The following HDAC4 variants were observed in gnomAD, a reference collection of about 807,000 sequenced individuals.
The protein encoded by HDAC4 is histone deacetylase A.
HDAC4 carries 16 observed loss-of-function variants against 135.1 expected under a neutral mutation model. That is an observed-to-expected ratio of 0.12 (90% CI 0.08 to 0.18). HDAC4 has a LOEUF of 0.18. Among genes scored for constraint, HDAC4 ranks in the 10% least tolerant of loss-of-function variants. The pLI, the probability that HDAC4 is intolerant of heterozygous loss-of-function variation, is 1.00. For missense variants in HDAC4, 1,143 were observed against 1,511.8 expected, an observed-to-expected ratio of 0.76 and a Z score of 4.05; for synonymous variants, 685 against 653.4, an observed-to-expected ratio of 1.05 and a Z score of -0.74.
chr2:239,279,931 G>A (rs776992319), intron 2 of HDAC4, among the ~76,000 whole-genome samples: 7 of 152,088 alleles, frequency 4.6e-5, no homozygotes, highest in Non-Finnish European at 1.5e-5. Context: ...TTCCCTCCCC[G>A]AATTCTAGGA....
chr2:239,384,325 A>G (rs1695633524), intron 1 of HDAC4, among the ~76,000 whole-genome samples: 1 of 152,134 alleles, frequency 6.6e-6, no homozygotes, highest in Non-Finnish European at 1.5e-5. Context: ...ATGAAAAAGA[A>G]AACTGAGGCT....
chr2:239,202,742 C>T (rs1364652046), intron 3 of HDAC4, among the ~76,000 whole-genome samples: 1 of 151,966 alleles, frequency 6.6e-6, no homozygotes, highest in Non-Finnish European at 1.5e-5. Flanking sequence ...TACCCCCTGA[C>T]CTCATGAGCT....
chr2:239,305,093 C>T (rs930773964), intron 2 of HDAC4, among the ~76,000 whole-genome samples: 1 of 152,196 alleles, frequency 6.6e-6, no homozygotes, highest in African/African-American at 2.4e-5. Context: ...CAGAGGTGCC[C>T]ACTGCCACAT....
At chr2:239,354,510 T>C (rs929831801) in intron 1 of HDAC4, among the ~76,000 whole-genome samples, 1 of 151,708 alleles carries the variant, frequency 6.6e-6, no homozygotes, top group East Asian at 1.9e-4. Context: ...TCTGTGTTCA[T>C]CTTTCTTTAA....
At chr2:239,392,082 G>A (rs779729403) in intron 1 of HDAC4, among the ~76,000 whole-genome samples, 7 of 152,158 alleles carry the variant, frequency 4.6e-5, no homozygotes, top group African/African-American at 9.7e-5. Context: ...CATCCTGCCC[G>A]GGCCACCATG....
chr2:239,276,422 G>A (rs1002905438), intron 2 of HDAC4, among the ~76,000 whole-genome samples: 4 of 152,204 alleles, frequency 2.6e-5, no homozygotes, highest in Admixed American at 2.0e-4. Flanking sequence ...ACAGGCACCC[G>A]GGTTCTGCAT....
At chr2:239,202,689 CA>C (rs1345090736) in intron 3 of HDAC4, among the ~76,000 whole-genome samples, 3 of 152,156 alleles carry the variant, frequency 2.0e-5, no homozygotes, top group Admixed American at 2.0e-4. Context: ...CATGGAGAAT[CA>C]CCGTCCAGGA....
chr2:239,332,217 G>C (rs943086655), intron 2 of HDAC4, among the ~76,000 whole-genome samples: 2 of 152,088 alleles, frequency 1.3e-5, no homozygotes, highest in African/African-American at 4.8e-5. Context: ...AAATAGTAAA[G>C]ATAACAGGAG....
At chr2:239,069,796 G>A (rs1400463342) in intron 22 of HDAC4, among the ~76,000 whole-genome samples, 1 of 151,578 alleles carries the variant, frequency 6.6e-6, no homozygotes, top group East Asian at 1.9e-4. Flanking sequence ...CTTGGTGAGA[G>A]GGAGTCACGG....
rs542752933 is a variant in HDAC4, at chr2:239,126,405, C to T, written c.1533+51G>A. Reference sequence around the variant, plus strand: ...AGTGCTGAAGCCTGAGGCTGAAGCGCACAGCACACAGCCGCCCTGGGGCCT... The same window carrying T: ...AGTGCTGAAGCCTGAGGCTGAAGCGTACAGCACACAGCCGCCCTGGGGCCT... On this transcript the variant is annotated intron_variant, in intron 12 of 26. Coordinates refer to ENST00000543185, the MANE Select transcript of HDAC4 (RefSeq NM_001378414.1). 5 of 1,611,628 alleles carry T rather than the reference C, an allele frequency of 3.1e-6. No homozygotes were observed. The Admixed American group carries it at 6.7e-5, about 21-fold the overall frequency.
At chr2:239,108,577 TAGA>T (rs1575056871) in intron 14 of HDAC4, among the ~76,000 whole-genome samples, 1 of 152,114 alleles carries the variant, frequency 6.6e-6, no homozygotes, top group African/African-American at 2.4e-5. Context: ...TGCTGACTTC[TAGA>T]AGGAGGCGAC....
chr2:239,387,932 C>A (rs978830810), intron 1 of HDAC4, among the ~76,000 whole-genome samples: 1 of 152,184 alleles, frequency 6.6e-6, no homozygotes, highest in East Asian at 1.9e-4. Flanking sequence ...TCCACACCCC[C>A]ACCCCACCGC....
Position 239,349,685 on chromosome 2 carries a change from C to T in HDAC4, c.22+2993G>A, listed in dbSNP as rs1372494006. Among the ~76,000 whole-genome samples the T allele has an allele frequency of 1.3e-5, 2 of 152,230 alleles. No individual in the cohort carries two copies. The highest frequency in any genetic ancestry group is 1.5e-5 in the Non-Finnish European group (1 of 68,048). ...CAGTGTGTGCAGGTGGTGGTATGCACGTGTTGGGCACAAGGGGTCCTGCCT... is the reference window on the plus strand; with the variant it reads ...CAGTGTGTGCAGGTGGTGGTATGCATGTGTTGGGCACAAGGGGTCCTGCCT... On this transcript the variant is annotated intron_variant, in intron 2 of 26. Coordinates refer to ENST00000543185, the MANE Select transcript of HDAC4 (RefSeq NM_001378414.1). This position sits in a 1 kb window ranked among gnomAD's most constrained non-coding sequence, Gnocchi z 5.7.
chr2:239,183,479 G>T (rs1446193550), intron 4 of HDAC4, among the ~76,000 whole-genome samples: 4 of 152,244 alleles, frequency 2.6e-5, no homozygotes, highest in African/African-American at 9.6e-5. Flanking sequence ...AACACCAGGT[G>T]CAGACCAGCT....
At chr2:239,189,190 C>T (rs985733910) in intron 4 of HDAC4, among the ~76,000 whole-genome samples, 3 of 152,116 alleles carry the variant, frequency 2.0e-5, no homozygotes, top group Non-Finnish European at 4.4e-5. Flanking sequence ...CGGTGTTGCT[C>T]TAAATGGTTC....
chr2:239,188,459 A>G (rs553488324), intron 4 of HDAC4, among the ~76,000 whole-genome samples: 9 of 152,354 alleles, frequency 5.9e-5, no homozygotes, highest in African/African-American at 2.2e-4. Context: ...GGGCACACTA[A>G]TATCTGTGTG....
intron 2 of HDAC4, among the ~76,000 whole-genome samples, chr2:239,273,961 G>A (rs925264305): frequency 6.6e-6 from 1 of 152,234 alleles, no homozygotes; most frequent in Admixed American, 6.5e-5. Flanking sequence ...ACGTGTTGAT[G>A]TGTTAAAGCT....
At chr2:239,270,912 C>T (rs750348557) in intron 2 of HDAC4, among the ~76,000 whole-genome samples, 10 of 152,226 alleles carry the variant, frequency 6.6e-5, no homozygotes, top group East Asian at 1.9e-4. Context: ...ATACAGTGTC[C>T]GTTCCTCATT....
intron 17 of HDAC4, among the ~76,000 whole-genome samples, chr2:239,093,584 C>T (rs894729964): frequency 2.0e-5 from 3 of 152,252 alleles, no homozygotes; most frequent in Non-Finnish European, 4.4e-5. Flanking sequence ...GGAAGCCCCA[C>T]GGCCTGCACT....
Sources: gnomAD v4.1 joint callset for allele counts (sites outside exome capture counted in the v4.1 genomes callset) on GRCh38, gnomAD v4.1.1 for gene constraint, Gnocchi (gnomAD v3.1) non-coding constraint, MANE v1.5 for transcripts, NCBI Gene and HGNC (gene_info 2026-07-23, HGNC 2026-07-21) for gene names.